PFKFB3: variants seen among roughly 807,000 people sequenced by gnomAD.
PFKFB3 encodes 6-phosphofructo-2-kinase/fructose-2,6-biphosphatase 3.
Under a neutral mutation model 68.0 loss-of-function variants are expected in PFKFB3, and 33 were observed. That is an observed-to-expected ratio of 0.49 (90% CI 0.37 to 0.65). The LOEUF is 0.65. Among genes scored for constraint, PFKFB3 ranks in the 30% least tolerant of loss-of-function variants. The pLI is 0.00. For synonymous variants in PFKFB3, 315 were observed against 288.2 expected, an observed-to-expected ratio of 1.09 and a Z score of -0.94; for missense variants, 586 against 712.2, an observed-to-expected ratio of 0.82 and a Z score of 2.02.
chr10:6,154,867 C>T lies in PFKFB3; in HGVS notation c.16+9854C>T, dbSNP rs907579217. 5.3e-5 allele frequency among the ~76,000 whole-genome samples: 8 copies of T among 152,278 alleles called. No homozygotes were observed. The highest frequency in any genetic ancestry group is 2.1e-4 in the South Asian group (1 of 4,830). ...TCGAGGCCTGGGTTGTAGTGAGCTG[C>T]GGGGAGCCCGCACTGCCACAGCAGC... On this transcript the variant is annotated intron_variant, in intron 1 of 14. Transcript: ENST00000379789. The surrounding 1 kb of genome is among the most constrained non-coding windows in gnomAD (Gnocchi z 4.6).
the PFKFB3 span, among the ~76,000 whole-genome samples, chr10:6,308,741 G>A: frequency 6.6e-6 from 1 of 152,082 alleles, no homozygotes; most frequent in Non-Finnish European, 1.5e-5. Context: ...GACAGCGAGC[G>A]TTATTATTAA....
At position 6,145,040 on chromosome 10, in the gene PFKFB3, G is replaced by A. The variant is rs1164430047; in HGVS notation, c.16+27G>A. The A allele has an allele frequency of 4.6e-6, 6 of 1,317,618 alleles. No individual in the cohort carries two copies. The Admixed American group carries it at 1.5e-4, about 34-fold the overall frequency. The allele number at this position is 1,317,618 out of a possible 1,614,324, so 81.6% of individuals were successfully genotyped here. ...TAGGAGTCCCGGTGACGCGGCCCAC[G>A]CCCCCAGCGCGCGCGGGGACCTGAG... On this transcript the variant is annotated intron_variant, in intron 1 of 14. Transcript: ENST00000379789.
the PFKFB3 span, among the ~76,000 whole-genome samples, chr10:6,263,295 C>T: frequency 4.6e-5 from 7 of 152,140 alleles, no homozygotes; most frequent in African/African-American, 9.7e-5. Context: ...TTGTTTGCGG[C>T]TTAAGAATGC....
intron 13 of PFKFB3, 97 bp from the exon 14 acceptor site, chr10:6,226,095 C>T: frequency 2.7e-6 from 3 of 1,132,054 alleles, no homozygotes; most frequent in Non-Finnish European, 3.8e-6. Flanking sequence ...CTTTTTGCCT[C>T]TCTAAAATCC....
intron 1 of PFKFB3, among the ~76,000 whole-genome samples, chr10:6,157,249 C>T (rs764901781): frequency 6.8e-5 from 10 of 147,140 alleles, no homozygotes; most frequent in South Asian, 2.2e-4. Context: ...TTTTTTGAGA[C>T]GGAGTCTCGC....
the PFKFB3 span, among the ~76,000 whole-genome samples, chr10:6,276,838 TTGTGTGTG>T: frequency 2.7e-5 from 4 of 147,306 alleles, no homozygotes; most frequent in East Asian, 4.0e-4. Flanking sequence ...TTATATGTAT[TTGTGTGTG>T]TGTGTGTGTG....
chr10:6,301,810 C>T, the PFKFB3 span, among the ~76,000 whole-genome samples: 2 of 152,156 alleles, frequency 1.3e-5, no homozygotes, highest in South Asian at 2.1e-4. Flanking sequence ...TCACTTCCTT[C>T]GTTATGACTA....
chr10:6,170,176 G>A (rs1842263396), intron 1 of PFKFB3, among the ~76,000 whole-genome samples: 1 of 152,142 alleles, frequency 6.6e-6, no homozygotes, highest in African/African-American at 2.4e-5. Flanking sequence ...CAGAACTCTG[G>A]AAATAGATAT....
the PFKFB3 span, among the ~76,000 whole-genome samples, chr10:6,286,969 A>G: frequency 2.0e-5 from 3 of 152,252 alleles, no homozygotes; most frequent in Admixed American, 6.5e-5. Flanking sequence ...TTTTACTTGG[A>G]AATAACATTG....
At chr10:6,273,499 G>A in the PFKFB3 span, among the ~76,000 whole-genome samples, 1 of 152,120 alleles carries the variant, frequency 6.6e-6, no homozygotes, top group Non-Finnish European at 1.5e-5. Context: ...CCTGTGTTCT[G>A]TTGACAGTTC....
At chr10:6,155,815 A>T (rs1841763431) in intron 1 of PFKFB3, among the ~76,000 whole-genome samples, 1 of 152,220 alleles carries the variant, frequency 6.6e-6, no homozygotes, top group Non-Finnish European at 1.5e-5. Flanking sequence ...CTCATTTTAG[A>T]AAAACAGATT....
intron 1 of PFKFB3, among the ~76,000 whole-genome samples, chr10:6,183,037 G>A (rs602440): frequency 0.27 from 41,133 of 151,976 alleles, 5,707 homozygotes; most frequent in Middle Eastern, 0.36. Context: ...GCCCATACAC[G>A]CCCCAGCCCC....
chr10:6,230,858 G>A (rs535347087), intron 14 of PFKFB3, among the ~76,000 whole-genome samples: 41 of 152,250 alleles, frequency 2.7e-4, no homozygotes, highest in African/African-American at 9.4e-4. Flanking sequence ...TGGGATTACA[G>A]GCGCCCGCCA....
intron 6 of PFKFB3, 75 bp downstream of exon 6, chr10:6,217,266 G>A: frequency 7.5e-7 from 1 of 1,340,796 alleles, no homozygotes; most frequent in Non-Finnish European, 1.1e-6. Context: ...GGAAGTGGGG[G>A]ACCGGGTCCG....
intron 13 of PFKFB3, among the ~76,000 whole-genome samples, chr10:6,225,625 G>A (rs1016694495): frequency 1.3e-5 from 2 of 152,208 alleles, no homozygotes; most frequent in African/African-American, 2.4e-5. Flanking sequence ...TCTGGTCCTG[G>A]CCGCAGAACC....
intron 1 of PFKFB3, among the ~76,000 whole-genome samples, chr10:6,166,336 AC>A (rs1011575771): frequency 2.7e-5 from 4 of 149,260 alleles, no homozygotes; most frequent in Admixed American, 2.7e-4. Context: ...CAAGTGATCC[AC>A]CCGCCTTAGG....
the PFKFB3 span, among the ~76,000 whole-genome samples, chr10:6,312,200 G>C: frequency 1.3e-5 from 2 of 152,216 alleles, no homozygotes; most frequent in East Asian, 3.8e-4. Context: ...ACAGGCTTCT[G>C]TGTGGAGGGC....
At chr10:6,227,574 G>A (rs534021251) in intron 14 of PFKFB3, among the ~76,000 whole-genome samples, 1 of 152,366 alleles carries the variant, frequency 6.6e-6, no homozygotes, top group East Asian at 1.9e-4. Flanking sequence ...AGTCAGATCA[G>A]ATGAGGGGAT....
rs868195396 is a variant in PFKFB3, at chr10:6,215,456, G to T, written c.299+139G>T. 19 of 696,530 alleles carry T rather than the reference G, an allele frequency of 2.7e-5. No individual in the cohort carries two copies. Among genetic ancestry groups the T allele is most frequent in the African/African-American group, 2.7e-4 (15 of 56,380 alleles). 43.1% of individuals were successfully genotyped at this position (696,530 alleles called of 1,614,324 possible). ...AATAAGGCTGGGCTGCGGGGCTGCGGGTGTAAGGCTGGGCTGCGGGCTTGG... is the reference window on the plus strand; with the variant it reads ...AATAAGGCTGGGCTGCGGGGCTGCGTGTGTAAGGCTGGGCTGCGGGCTTGG... On this transcript the variant is annotated intron_variant, in intron 3 of 14. Transcript: ENST00000379775. The surrounding 1 kb of genome is among the most constrained non-coding windows in gnomAD (Gnocchi z 4.3).
Sources: gnomAD v4.1 joint callset for allele counts (sites outside exome capture counted in the v4.1 genomes callset) on GRCh38, gnomAD v4.1.1 for gene constraint, Gnocchi (gnomAD v3.1) non-coding constraint, MANE v1.5 for transcripts, NCBI Gene and HGNC (gene_info 2026-07-23, HGNC 2026-07-21) for gene names.